OAS3: variants seen among roughly 807,000 people sequenced by gnomAD.
OAS3 encodes 2'-5'-oligoadenylate synthase 3.
In OAS3, 107 loss-of-function variants were observed where a neutral mutation model predicts 113.0. The observed-to-expected ratio is 0.95, with a 90% CI of 0.81 to 1.11. The LOEUF is 1.11. Among genes scored for constraint, OAS3 ranks in the 50% most tolerant of loss-of-function variants. OAS3 has a pLI of 0.00. For synonymous variants in OAS3, 552 were observed against 573.6 expected, an observed-to-expected ratio of 0.96 and a Z score of 0.54; for missense variants, 1,258 against 1,389.1, an observed-to-expected ratio of 0.91 and a Z score of 1.50.
At chr12:112,949,302 G>T in intron 6 of OAS3, 97 bp downstream of exon 6, 2 of 995,640 alleles carry the variant, frequency 2.0e-6, no homozygotes, top group Non-Finnish European at 3.0e-6. Flanking sequence ...TTGGGCTGGG[G>T]AACTGGACGG....
At chr12:112,964,510 CA>C in intron 11 of OAS3, 102 bp downstream of exon 11, 1 of 1,247,200 alleles carries the variant, frequency 8.0e-7, no homozygotes, top group South Asian at 1.5e-5. Flanking sequence ...TAGCAAACAG[CA>C]AAAAGCCAGG....
Position 112,948,941 on chromosome 12 carries a change from G to A in OAS3, c.1110G>A (p.Lys370=). The stretch of plus-strand genomic sequence containing the variant: ...ACCAGAAGACCCCTGAAAACAGCAA[G>A]AGCCTCAATGCTGTGTACCCAAGAG... ...DPNQKTPENS[K]SLNAVYPRAG... The change falls in exon 6 of 16, where the codon AAG becomes AAA. Residue 370 remains lysine (K), a synonymous_variant. Transcript: ENST00000228928. 6.2e-7 allele frequency: 1 copy of A among 1,612,944 alleles called. No homozygotes were observed. Among genetic ancestry groups the A allele is most frequent in the Non-Finnish European group, 8.5e-7 (1 of 1,179,460 alleles).
Position 112,949,230 on chromosome 12 carries a change from G to T in OAS3, c.1374+25G>T, listed in dbSNP as rs1565976708. ...AGTGAGTTGGGCCAGTGGAGACACA[G>T]GGGGGACCCTATCGAGGGATCAGCG... On this transcript the variant is annotated intron_variant, in intron 6 of 15. Transcript: ENST00000228928. The T allele has an allele frequency of 2.7e-6, 4 of 1,463,600 alleles. No homozygotes were observed. In the East Asian group the frequency reaches 1.0e-4, roughly 37 times the overall value. The allele number at this position is 1,463,600 out of a possible 1,614,324, so 90.7% of individuals were successfully genotyped here.
intron 7 of OAS3, among the ~76,000 whole-genome samples, chr12:112,955,137 T>G (rs2043821824): frequency 6.6e-6 from 1 of 152,174 alleles, no homozygotes; most frequent in African/African-American, 2.4e-5. Flanking sequence ...GTTATTGGTG[T>G]GTAGGAATGC....
At position 112,963,481 on chromosome 12, in the gene OAS3, C is replaced by T; in HGVS notation, c.2229+24C>T. ...TGGTAAGATGGAGGGTCCTGGGGGG[C>T]AGGGGGCCCTGCACCCTGCCTTCTA... On this transcript the variant is annotated intron_variant, in intron 10 of 15. Coordinates refer to ENST00000228928, the MANE Select transcript of OAS3 (RefSeq NM_006187.4). This position sits in a 1 kb window ranked among gnomAD's most constrained non-coding sequence, Gnocchi z 4.6. 1 of 1,499,048 alleles carries T rather than the reference C, an allele frequency of 6.7e-7. No individual in the cohort carries two copies. The highest frequency in any genetic ancestry group is 2.2e-5 in the Admixed American group (1 of 45,244). The allele number at this position is 1,499,048 out of a possible 1,614,324, so 92.9% of individuals were successfully genotyped here. A position where few individuals can be genotyped will look rare whatever the true frequency, so the allele number is the denominator to read the frequency against.
chr12:112,964,183 T>C (rs943356021), intron 10 of OAS3, 52 bp from the exon 11 acceptor site: 1 of 1,531,552 alleles, frequency 6.5e-7, no homozygotes, highest in African/African-American at 1.4e-5. Context: ...AGGGCTTGGG[T>C]GAGCACTGGG....
chr12:112,938,712 G>A lies in OAS3; in HGVS notation c.177+5G>A, dbSNP rs1361308993. On this transcript the variant is annotated splice_donor_5th_base_variant and intron_variant, in intron 1 of 15. Coordinates refer to ENST00000228928, the MANE Select transcript of OAS3 (RefSeq NM_006187.4). ...CGGGTGCTGAAAACTGTCAAGGTGAGGTCCCACCTCGGGGTCTTTATGTGT... is the reference window on the plus strand; with the variant it reads ...CGGGTGCTGAAAACTGTCAAGGTGAAGTCCCACCTCGGGGTCTTTATGTGT... 3 of 1,540,968 alleles carry A rather than the reference G, an allele frequency of 1.9e-6. No homozygotes were observed. Among genetic ancestry groups the A allele is most frequent in the Admixed American group, 4.1e-5 (2 of 48,634 alleles).
chr12:112,950,405 G>A (rs1387452694), intron 6 of OAS3, among the ~76,000 whole-genome samples: 1 of 152,188 alleles, frequency 6.6e-6, no homozygotes, highest in African/African-American at 2.4e-5. Context: ...AAAATGTTTG[G>A]TCGCTGCCCC....
At chr12:112,958,583 G>A (rs983668256) in intron 7 of OAS3, among the ~76,000 whole-genome samples, 24 of 152,376 alleles carry the variant, frequency 1.6e-4, no homozygotes, top group South Asian at 2.1e-4. Context: ...CTCAGCTGCA[G>A]GTCTGTTGGA....
At position 112,962,793 on chromosome 12, in the gene OAS3, C is replaced by G; in HGVS notation, c.1975C>G (p.Leu659Val). ...FNMAQGFRTV[L>V]GLVQQHQQLC... ...CATGGCCCAAGGCTTCCGGACGGTG[C>G]TGGGGCTCGTGCAACAGCATCAGCA... Residue 659 changes from leucine (L) to valine (V), a missense_variant, in exon 9 of 16, where the codon CTG (leucine) becomes GTG (valine). Leu to Val is a conservative substitution (Grantham distance 32). Transcript: ENST00000228928. The G allele has an allele frequency of 6.2e-7, 1 of 1,614,064 alleles. No individual in the cohort carries two copies. Among genetic ancestry groups the G allele is most frequent in the South Asian group, 1.1e-5 (1 of 91,084 alleles).
At chr12:112,969,803 G>A (rs780171462) in intron 15 of OAS3, 48 bp downstream of exon 15, 82 of 1,605,238 alleles carry the variant, frequency 5.1e-5, no homozygotes, top group Admixed American at 6.7e-5. Flanking sequence ...GGGTAAGGGG[G>A]GAGCATGGTC....
intron 2 of OAS3, among the ~76,000 whole-genome samples, chr12:112,942,809 G>A (rs971711474): frequency 2.0e-5 from 3 of 147,284 alleles, no homozygotes; most frequent in Non-Finnish European, 3.0e-5. Flanking sequence ...TATTATTATT[G>A]TTATTATTAT....
At chr12:112,950,062 C>A (rs1272932046) in intron 6 of OAS3, among the ~76,000 whole-genome samples, 1 of 152,150 alleles carries the variant, frequency 6.6e-6, no homozygotes, top group African/African-American at 2.4e-5. Flanking sequence ...TCTTGCACTA[C>A]CAGCCCCCTT....
chr12:112,959,745 TC>T (rs1449197268), intron 7 of OAS3, among the ~76,000 whole-genome samples: 1 of 152,096 alleles, frequency 6.6e-6, no homozygotes, highest in Non-Finnish European at 1.5e-5. Context: ...CTTGGACCTG[TC>T]TTCTGGTTTA....
intron 7 of OAS3, among the ~76,000 whole-genome samples, chr12:112,960,692 T>A (rs1034048965): frequency 2.0e-5 from 3 of 152,148 alleles, no homozygotes; most frequent in Non-Finnish European, 2.9e-5. Context: ...GAGGTAAAAA[T>A]CACACAGCTT....
At position 112,949,109 on chromosome 12, in the gene OAS3, G is replaced by A. The variant is rs748404977; in HGVS notation, c.1278G>A (p.Pro426=). ...LDRFIQDHLK[P]SPQFQEQVKK... is the part of the protein sequence containing the mutation. Reference sequence around the variant, plus strand: ...GCTTCATCCAGGACCACCTGAAGCCGAGCCCCCAGTTCCAGGAGCAGGTGA... The same window carrying A: ...GCTTCATCCAGGACCACCTGAAGCCAAGCCCCCAGTTCCAGGAGCAGGTGA... The change falls in exon 6 of 16, where the codon CCG becomes CCA. Residue 426 remains proline, a synonymous_variant. Transcript: ENST00000228928. 40 of 1,613,842 alleles carry A rather than the reference G, an allele frequency of 2.5e-5. No homozygotes were observed. Among genetic ancestry groups the A allele is most frequent in the Admixed American group, 1.2e-4 (7 of 60,000 alleles).
At chr12:112,968,323 C>T (rs1389979367) in intron 14 of OAS3, 149 bp downstream of exon 14, 18 of 1,145,892 alleles carry the variant, frequency 1.6e-5, no homozygotes, top group Admixed American at 3.1e-5. Context: ...GAGGGACAAA[C>T]GGTCAATTTT....
At chr12:112,941,895 C>T (rs779823267) in intron 2 of OAS3, 43 bp downstream of exon 2, 1 of 1,612,770 alleles carries the variant, frequency 6.2e-7, no homozygotes, top group East Asian at 2.2e-5. Context: ...GGCAAAAGAT[C>T]ATTGGGAACA....
chr12:112,948,084 G>A lies in OAS3; in HGVS notation c.1014G>A (p.Gln338=). Residue 338 remains glutamine (Q), a synonymous_variant, in exon 5 of 16, where the codon CAG becomes CAA. Transcript: ENST00000228928. ...TGAGGGGGATGGGGGACCCAGTGCA[G>A]TCTTGGAAGGGGCCGGTAAGTGAGG... ...CFLRGMGDPV[Q]SWKGPGLPRA... 6.5e-7 allele frequency: 1 copy of A among 1,541,846 alleles called. No homozygotes were observed. Among genetic ancestry groups the A allele is most frequent in the Non-Finnish European group, 8.7e-7 (1 of 1,145,424 alleles).
Sources: allele counts gnomAD v4.1 joint callset (sites outside exome capture counted in the v4.1 genomes callset), GRCh38; gene constraint gnomAD v4.1.1; non-coding constraint Gnocchi (gnomAD v3.1); transcripts MANE v1.5; gene names NCBI Gene and HGNC (gene_info 2026-07-23, HGNC 2026-07-21).